The following HRH1 variants were observed in gnomAD, a reference collection of about 807,000 sequenced individuals.
HRH1 encodes the protein histamine receptor H1.
A neutral mutation model predicts 10.3 loss-of-function variants in HRH1; 6 were observed. That is an observed-to-expected ratio of 0.58 (90% confidence interval 0.32 to 1.15). The LOEUF (loss-of-function observed/expected upper bound fraction) is 1.15. Among genes scored for constraint, HRH1 ranks in the 50% most tolerant of loss-of-function variants. The pLI, the probability that HRH1 is intolerant of heterozygous loss-of-function variation, is 0.05. For missense variants in HRH1, 514 were observed against 615.3 expected, an observed-to-expected ratio of 0.84 and a Z score of 1.74; for synonymous variants, 242 against 236.7, an observed-to-expected ratio of 1.02 and a Z score of -0.21.
At chr3:11,236,952 C>T (rs946093175) in intron 1 of HRH1, among the ~76,000 whole-genome samples, 2 of 152,192 alleles carry the variant, frequency 1.3e-5, no homozygotes, top group Non-Finnish European at 2.9e-5. Context: ...CCTGCCAGCT[C>T]TTTTATTTAG....
At chr3:11,252,925 G>C (rs1040648493) in intron 1 of HRH1, among the ~76,000 whole-genome samples, 1 of 152,022 alleles carries the variant, frequency 6.6e-6, no homozygotes, top group Non-Finnish European at 1.5e-5. Flanking sequence ...CTTCGTCTGC[G>C]GTGGTGAGCA....
At chr3:11,190,632 A>G (rs1390213693) in intron 1 of HRH1, among the ~76,000 whole-genome samples, 1 of 151,952 alleles carries the variant, frequency 6.6e-6, no homozygotes, top group African/African-American at 2.4e-5. Context: ...AGCTCAGACA[A>G]TCTGCCCACC....
intron 1 of HRH1, among the ~76,000 whole-genome samples, chr3:11,224,845 A>G (rs1261805170): frequency 2.0e-5 from 3 of 152,156 alleles, no homozygotes; most frequent in Non-Finnish European, 4.4e-5. Context: ...TACAGTTCCC[A>G]CTTCCAAAGG....
upstream of HRH1, among the ~76,000 whole-genome samples, chr3:11,153,523 C>G (rs772798622): frequency 6.6e-6 from 1 of 151,222 alleles, no homozygotes; most frequent in Non-Finnish European, 1.5e-5. Context: ...CCACCATGTC[C>G]CACCTCCTCA....
chr3:11,206,024 G>A (rs1032348668), intron 1 of HRH1, among the ~76,000 whole-genome samples: 1 of 152,120 alleles, frequency 6.6e-6, no homozygotes, highest in East Asian at 1.9e-4. Flanking sequence ...CCAGGCCCTG[G>A]ATGTCTGAGG....
chr3:11,176,527 T>C (rs986082461), intron 1 of HRH1, among the ~76,000 whole-genome samples: 3 of 151,954 alleles, frequency 2.0e-5, no homozygotes, highest in Non-Finnish European at 4.4e-5. Context: ...TACCCACCCC[T>C]CCAACACACA....
intron 1 of HRH1, among the ~76,000 whole-genome samples, chr3:11,247,418 G>A (rs1166860381): frequency 6.6e-6 from 1 of 152,192 alleles, no homozygotes; most frequent in Non-Finnish European, 1.5e-5. Flanking sequence ...CCCTAATGCA[G>A]TTCCTAGCAC....
At chr3:11,149,819 G>T (rs769680871), upstream of HRH1, among the ~76,000 whole-genome samples, 1 of 152,224 alleles carries the variant, frequency 6.6e-6, no homozygotes, top group African/African-American at 2.4e-5. Context: ...TCCATACAGA[G>T]AATTCCTGGA....
chr3:11,171,858 A>C (rs1262838240), intron 1 of HRH1, among the ~76,000 whole-genome samples: 3 of 152,214 alleles, frequency 2.0e-5, no homozygotes, highest in African/African-American at 7.2e-5. Context: ...ATGAAGTAGG[A>C]TATCTAAACT....
chr3:11,141,050 A>T (rs1421928610), intron 1 of HRH1, among the ~76,000 whole-genome samples: 2 of 152,114 alleles, frequency 1.3e-5, no homozygotes, highest in Non-Finnish European at 2.9e-5. Flanking sequence ...CCCAAGTAGA[A>T]GCCAGAATCC....
Position 11,259,491 on chromosome 3 carries a change from T to G in HRH1, c.454T>G (p.Trp152Gly). ...AGCCTCGGCCACCATTCTGGGGGCC[T>G]GGTTTCTCTCTTTTCTGTGGGTTAT... ...TRASATILGA[W>G]FLSFLWVIPI... Residue 152 changes from tryptophan to glycine, a missense_variant, in exon 2 of 2, where the codon TGG becomes GGG. Transcript: ENST00000431010. The surrounding 1 kb of genome is among the most constrained non-coding windows in gnomAD (Gnocchi z 4.6). 1 of 1,614,028 alleles carries G rather than the reference T, an allele frequency of 6.2e-7. No individual in the cohort carries two copies. The highest frequency in any genetic ancestry group is 8.5e-7 in the Non-Finnish European group (1 of 1,179,994).
Position 11,164,244 on chromosome 3 carries a change from G to C in HRH1, c.-36+9690G>C, listed in dbSNP as rs114900437. Among the ~76,000 whole-genome samples the C allele has an allele frequency of 6.3e-3, 953 of 152,298 alleles. 9 individuals are homozygous for C. The highest frequency in any genetic ancestry group is 0.021 in the African/African-American group (873 of 41,552). On this transcript the variant is annotated intron_variant, in intron 1 of 1. Transcript: ENST00000431010. Reference sequence around the variant, plus strand: ...GCCATGCCTTAGAGAGCGACAGGGAGGTTAACAGGAAGTAATTAAGATGCT... The same window carrying C: ...GCCATGCCTTAGAGAGCGACAGGGACGTTAACAGGAAGTAATTAAGATGCT...
chr3:11,161,457 C>T (rs1270370020), intron 1 of HRH1, among the ~76,000 whole-genome samples: 1 of 152,228 alleles, frequency 6.6e-6, no homozygotes, highest in African/African-American at 2.4e-5. Context: ...ACAATTCCAC[C>T]ACCAGCCCAC....
chr3:11,145,135 C>G (rs928391705), intron 1 of HRH1, among the ~76,000 whole-genome samples: 1 of 152,186 alleles, frequency 6.6e-6, no homozygotes, highest in Non-Finnish European at 1.5e-5. Context: ...AACCACCTTC[C>G]TCCCTTCCTC....
At chr3:11,164,236 G>T (rs1460183038) in intron 1 of HRH1, among the ~76,000 whole-genome samples, 1 of 152,216 alleles carries the variant, frequency 6.6e-6, no homozygotes, top group Non-Finnish European at 1.5e-5. Flanking sequence ...CTTAGAGAGC[G>T]ACAGGGAGGT....
chr3:11,221,770 C>T (rs1023646340), intron 1 of HRH1, among the ~76,000 whole-genome samples: 1 of 152,090 alleles, frequency 6.6e-6, no homozygotes, highest in Non-Finnish European at 1.5e-5. Context: ...CCGCAGCCCC[C>T]GGCAGCCACC....
At chr3:11,172,936 A>T (rs1227070337) in intron 1 of HRH1, among the ~76,000 whole-genome samples, 1 of 151,946 alleles carries the variant, frequency 6.6e-6, no homozygotes, top group Non-Finnish European at 1.5e-5. Context: ...TGATCTTGTG[A>T]TCCACCCGTC....
rs527385762 is a variant in HRH1 at position 11,238,854 on chromosome 3, G to A, written c.-35-20149G>A. Among the ~76,000 whole-genome samples the A allele has an allele frequency of 7.0e-4, 106 of 152,280 alleles. 3 individuals are homozygous for A. The highest frequency in any genetic ancestry group is 1.7e-3 in the Admixed American group (26 of 15,300). Reference sequence around the variant, plus strand: ...TCCAGTTCACCCATGGTGTAGCTTGGAACAGTACTGTGTTTCTTTTTATTG... The same window carrying A: ...TCCAGTTCACCCATGGTGTAGCTTGAAACAGTACTGTGTTTCTTTTTATTG... On this transcript the variant is annotated intron_variant, in intron 1 of 1. Transcript: ENST00000431010.
At chr3:11,170,550 C>T (rs1032094315) in intron 1 of HRH1, among the ~76,000 whole-genome samples, 4 of 152,236 alleles carry the variant, frequency 2.6e-5, no homozygotes. Flanking sequence ...GGCGAGGAGC[C>T]CACTATGATC....
Sources: gnomAD v4.1 joint callset for allele counts (sites outside exome capture counted in the v4.1 genomes callset) on GRCh38, gnomAD v4.1.1 for gene constraint, Gnocchi (gnomAD v3.1) non-coding constraint, MANE v1.5 for transcripts, NCBI Gene and HGNC (gene_info 2026-07-23, HGNC 2026-07-21) for gene names.